Variants in ACTL6A observed in about 807,000 individuals in gnomAD.
ACTL6A encodes the protein actin like 6A, also known as actin-like protein 6A.
Under a neutral mutation model 59.2 loss-of-function variants are expected in ACTL6A, and 5 were observed. The ratio of observed to expected loss-of-function variants is 0.08; its 90% CI spans 0.04 to 0.18. The LOEUF is 0.18. Ranked by LOEUF, ACTL6A falls within the 10% of genes least tolerant of loss-of-function variation. The pLI, the probability that ACTL6A is intolerant of heterozygous loss-of-function variation, is 1.00. For missense variants in ACTL6A, 285 were observed against 526.9 expected (o/e 0.54, Z 4.49); for synonymous variants, 154 against 171.8 (o/e 0.90, Z 0.81).
At chr3:179,567,042 G>T (rs1717858097) in intron 1 of ACTL6A, among the ~76,000 whole-genome samples, 1 of 152,162 alleles carries the variant, frequency 6.6e-6, no homozygotes, top group Non-Finnish European at 1.5e-5. Flanking sequence ...CCAATCTAAT[G>T]ATTTCATTTT....
chr3:179,572,077 A>G (rs1307016561), intron 3 of ACTL6A, among the ~76,000 whole-genome samples: 2 of 152,218 alleles, frequency 1.3e-5, no homozygotes, highest in East Asian at 3.8e-4. Flanking sequence ...GTTATAAGAA[A>G]GATTTTAAGA....
At chr3:179,572,058 G>A (rs2108358769) in intron 3 of ACTL6A, among the ~76,000 whole-genome samples, 1 of 151,492 alleles carries the variant, frequency 6.6e-6, no homozygotes, top group East Asian at 1.9e-4. Context: ...CAGTAAACGG[G>A]AATAAAAGGT....
At position 179,570,415 on chromosome 3, in the gene ACTL6A, C is replaced by A. The variant is rs1029193355; in HGVS notation, c.277+174C>A. On this transcript the variant is annotated intron_variant, in intron 3 of 13. Transcript: ENST00000429709. This position sits in a 1 kb window ranked among gnomAD's most constrained non-coding sequence, Gnocchi z 4.3. ...ATACAAAGATGCATAAGAAATGTTCCTTTTCATTAAAAGCTTACAGTTAGT... is the reference window on the plus strand; with the variant it reads ...ATACAAAGATGCATAAGAAATGTTCATTTTCATTAAAAGCTTACAGTTAGT... 5 of 587,490 alleles carry A rather than the reference C, an allele frequency of 8.5e-6. No individual in the cohort carries two copies. The highest frequency in any genetic ancestry group is 3.6e-5 in the Admixed American group (1 of 27,640). The allele number at this position is 587,490 out of a possible 1,614,324, so 36.4% of individuals were successfully genotyped here.
chr3:179,582,027 T>A (rs1427450588), intron 11 of ACTL6A, among the ~76,000 whole-genome samples: 2 of 152,214 alleles, frequency 1.3e-5, no homozygotes, highest in Non-Finnish European at 2.9e-5. Context: ...TAAAGCATAG[T>A]GCTAATAACT....
chr3:179,579,384 A>G (rs376485545), intron 8 of ACTL6A, among the ~76,000 whole-genome samples: 72 of 152,208 alleles, frequency 4.7e-4, no homozygotes, highest in African/African-American at 1.6e-3. Flanking sequence ...GTAAAATTAT[A>G]TGAGTCATAA....
chr3:179,583,205 G>A (rs972743458), intron 11 of ACTL6A, 148 bp from the exon 12 acceptor site: 6 of 524,430 alleles, frequency 1.1e-5, no homozygotes, highest in East Asian at 6.7e-5. Context: ...AGAATTGATG[G>A]ATTAAGCTAT....
chr3:179,577,113 T>A (rs778013136), intron 8 of ACTL6A, among the ~76,000 whole-genome samples, 200 bp downstream of exon 8: 14 of 152,204 alleles, frequency 9.2e-5, no homozygotes, highest in Non-Finnish European at 1.5e-5. Context: ...TTTTTAATGA[T>A]ATTTTACTAA....
chr3:179,583,469 A>G, intron 12 of ACTL6A, 21 bp downstream of exon 12: 1 of 1,570,414 alleles, frequency 6.4e-7, no homozygotes, highest in Non-Finnish European at 8.7e-7. Flanking sequence ...TTTGTTCTTT[A>G]ATGGTATTCT....
chr3:179,580,531 A>G, intron 8 of ACTL6A, 109 bp from the exon 9 acceptor site: 1 of 752,790 alleles, frequency 1.3e-6, no homozygotes, highest in Non-Finnish European at 2.1e-6. Context: ...TTACCCATCT[A>G]GAAACATGGT....
rs1302223205 is a variant in ACTL6A at position 179,580,936 on chromosome 3, T to C, written c.873T>C (p.Asn291=). Reference sequence around the variant, plus strand: ...CAACTGTTCATTATGAATTCCCCAATGGCTACAATTGTGATTTTGGTGCAG... The same window carrying C: ...CAACTGTTCATTATGAATTCCCCAACGGCTACAATTGTGATTTTGGTGCAG... ...QMPTVHYEFP[N]GYNCDFGAER... Residue 291 remains asparagine, a synonymous_variant, in exon 10 of 14, where the codon AAT becomes AAC. Transcript: ENST00000429709. The C allele has an allele frequency of 1.3e-6, 2 of 1,585,952 alleles. No homozygotes were observed. Among genetic ancestry groups the C allele is most frequent in the South Asian group, 1.2e-5 (1 of 84,912 alleles).
chr3:179,586,702 AT>A, intron 13 of ACTL6A, 70 bp downstream of exon 13: 1 of 1,237,062 alleles, frequency 8.1e-7, no homozygotes, highest in South Asian at 1.4e-5. Flanking sequence ...AATACAAAAA[AT>A]AATTCCAGTG....
chr3:179,577,193 C>T (rs1718193944), intron 8 of ACTL6A, among the ~76,000 whole-genome samples: 1 of 152,140 alleles, frequency 6.6e-6, no homozygotes, highest in Non-Finnish European at 1.5e-5. Flanking sequence ...TTACTACATA[C>T]TCACTTGGAT....
chr3:179,576,168 A>G, intron 5 of ACTL6A, 49 bp from the exon 6 acceptor site: 2 of 1,358,938 alleles, frequency 1.5e-6, no homozygotes, highest in Admixed American at 1.7e-5. Context: ...TACAATAAAC[A>G]TTATTTTAGC....
At chr3:179,580,334 G>A (rs762097023) in intron 8 of ACTL6A, among the ~76,000 whole-genome samples, 4 of 152,174 alleles carry the variant, frequency 2.6e-5, no homozygotes, top group Non-Finnish European at 5.9e-5. Flanking sequence ...GGAGAAAGTG[G>A]TGTTCTGAAA....
chr3:179,575,621 C>G (rs751743403), intron 5 of ACTL6A: 1 of 365,252 alleles, frequency 2.7e-6, no homozygotes, highest in South Asian at 2.1e-5. Flanking sequence ...TCCTAAACAT[C>G]AGTTTAGTAT....
intron 1 of ACTL6A, 148 bp downstream of exon 1, chr3:179,563,265 C>T: frequency 7.5e-7 from 1 of 1,339,910 alleles, no homozygotes; most frequent in Non-Finnish European, 1.0e-6. Flanking sequence ...GCCCCACGCT[C>T]TGCCCGCCCC....
intron 8 of ACTL6A, among the ~76,000 whole-genome samples, chr3:179,580,046 T>G (rs1718287085): frequency 6.6e-6 from 1 of 152,182 alleles, no homozygotes; most frequent in African/African-American, 2.4e-5. Context: ...GTGCTGAGAT[T>G]ACAGGTATGA....
intron 1 of ACTL6A, among the ~76,000 whole-genome samples, chr3:179,566,247 A>G (rs1417222679): frequency 6.6e-6 from 1 of 152,124 alleles, no homozygotes; most frequent in African/African-American, 2.4e-5. Context: ...TGAGAGAGAG[A>G]GAGATTTGAA....
In ACTL6A at chr3:179,562,985, TG is replaced by T; in HGVS notation, c.-106del. ...CTTTGTTGCCTGAGGTGGGTGGCGG[TG>T]GAAGTTAAGGGAGTCAGGGGCTATC... On this transcript the variant is annotated 5_prime_UTR_variant, in exon 1 of 14. Transcript: ENST00000429709. 1 of 1,445,528 alleles carries T rather than the reference TG, an allele frequency of 6.9e-7. No individual in the cohort carries two copies. Among genetic ancestry groups the T allele is most frequent in the Non-Finnish European group, 9.5e-7 (1 of 1,058,028 alleles). 89.5% of individuals were successfully genotyped at this position (1,445,528 alleles called of 1,614,324 possible).
Sources: gnomAD v4.1 joint callset for allele counts (sites outside exome capture counted in the v4.1 genomes callset) on GRCh38, gnomAD v4.1.1 for gene constraint, Gnocchi (gnomAD v3.1) non-coding constraint, MANE v1.5 for transcripts, NCBI Gene and HGNC (gene_info 2026-07-23, HGNC 2026-07-21) for gene names.